The following TEX11 variants were observed in gnomAD, a reference collection of about 807,000 sequenced individuals.
TEX11 encodes the protein testis expressed 11.
A neutral mutation model predicts 84.4 loss-of-function variants in TEX11; 7 were observed. The observed-to-expected ratio is 0.08, with a 90% CI of 0.05 to 0.16. The LOEUF is 0.16. Among genes scored for constraint, TEX11 ranks in the 10% least tolerant of loss-of-function variants. The probability of loss-of-function intolerance (pLI) is 1.00; values close to 1 mark genes in which losing one functional copy is unlikely to be tolerated. For synonymous variants in TEX11, 264 were observed against 222.8 expected (o/e 1.18, Z -1.64); for missense variants, 551 against 660.5 (o/e 0.83, Z 1.82).
At chrX:70,673,803 C>T (rs982531133) in intron 15 of TEX11, among the ~76,000 whole-genome samples, 25 of 111,970 alleles carry the variant, frequency 2.2e-4, no homozygotes, top group African/African-American at 8.1e-4. Context: ...TGATACCACA[C>T]AGTCTAGATT....
chrX:70,754,455 T>A (rs2090852925), intron 9 of TEX11, among the ~76,000 whole-genome samples: 1 of 111,380 alleles, frequency 9.0e-6, no homozygotes, highest in Non-Finnish European at 1.9e-5. Context: ...TGGGTAAATA[T>A]CTAAGGTTTC....
chrX:70,600,221 G>A (rs149769411), intron 24 of TEX11, among the ~76,000 whole-genome samples: 125 of 111,916 alleles, frequency 1.1e-3, no homozygotes, highest in African/African-American at 3.9e-3. Context: ...TCTAACTGGT[G>A]TGAGATGGTA....
chrX:70,824,510 G>T (rs1252101799), intron 8 of TEX11, among the ~76,000 whole-genome samples: 1 of 111,227 alleles, frequency 9.0e-6, no homozygotes, highest in East Asian at 2.8e-4. Flanking sequence ...TGCAGCAGTA[G>T]TTCCCACAGG....
At chrX:70,722,951 C>T (rs995148334) in intron 12 of TEX11, among the ~76,000 whole-genome samples, 46 of 111,768 alleles carry the variant, frequency 4.1e-4, no homozygotes, top group Non-Finnish European at 7.5e-5. Flanking sequence ...CAATACTATA[C>T]GCTAAGAACA....
intron 28 of TEX11, among the ~76,000 whole-genome samples, chrX:70,532,670 G>T (rs1216460728): frequency 1.2e-4 from 13 of 111,113 alleles, no homozygotes; most frequent in Non-Finnish European, 2.1e-4. Context: ...GGAGGCGGAG[G>T]TTGTGGTGAG....
intron 9 of TEX11, among the ~76,000 whole-genome samples, chrX:70,786,035 C>T (rs1179106822): frequency 1.8e-5 from 2 of 111,915 alleles, no homozygotes; most frequent in Non-Finnish European, 3.8e-5. Flanking sequence ...TTTATTGTGG[C>T]ACTATTCACA....
At chrX:70,544,627 G>A in intron 28 of TEX11, among the ~76,000 whole-genome samples, 1 of 108,233 alleles carries the variant, frequency 9.2e-6, no homozygotes, top group African/African-American at 3.4e-5. Context: ...ATCACTTGAG[G>A]TCAGGAGTTT....
intron 13 of TEX11, among the ~76,000 whole-genome samples, chrX:70,715,094 TTTC>T (rs896047032): frequency 8.1e-5 from 9 of 111,589 alleles, no homozygotes; most frequent in Admixed American, 1.9e-4. Flanking sequence ...TGAAAATTCT[TTTC>T]TTTAAGAATG....
chrX:70,591,699 G>T lies in TEX11; in HGVS notation c.2140+52C>A, dbSNP rs781602041. The T allele has an allele frequency of 1.1e-4, 107 of 983,402 alleles. No homozygotes were observed. In the East Asian group the frequency reaches 3.2e-3, roughly 29 times the overall value. 81.0% of individuals were successfully genotyped at this position (983,402 alleles called of 1,213,427 possible). A position where few individuals can be genotyped will look rare whatever the true frequency, so the allele number is the denominator to read the frequency against. ...CTGGTGACAAAAGACTTGTTTATTC[G>T]ATTCTAAGCTCCTTTCAAACTGTGT... is the stretch of plus-strand genomic sequence containing the variant. On this transcript the variant is annotated intron_variant, in intron 25 of 29. Coordinates refer to ENST00000374333, the MANE Select transcript of TEX11 (RefSeq NM_031276.3).
the TEX11 span, among the ~76,000 whole-genome samples, chrX:70,522,759 T>C: frequency 4.6e-5 from 5 of 109,196 alleles, no homozygotes; most frequent in Non-Finnish European, 9.5e-5. Flanking sequence ...GTCAGGCTGG[T>C]CTTGAACTCC....
chrX:70,735,184 C>T (rs946230168), intron 11 of TEX11, among the ~76,000 whole-genome samples: 5 of 110,919 alleles, frequency 4.5e-5, no homozygotes, highest in African/African-American at 1.6e-4. Context: ...TCCCAAATAG[C>T]TGGGATTACA....
At chrX:70,605,363 A>G (rs1372813534) in intron 24 of TEX11, 38 bp downstream of exon 24, 1 of 950,180 alleles carries the variant, frequency 1.1e-6, no homozygotes, top group Non-Finnish European at 1.5e-6. Context: ...CAAATAGCAC[A>G]CTGAACTCTT....
chrX:70,791,180 T>C (rs2091116024), intron 9 of TEX11, among the ~76,000 whole-genome samples: 1 of 111,047 alleles, frequency 9.0e-6, no homozygotes, highest in Admixed American at 9.6e-5. Context: ...GAGAAAGATC[T>C]ATCATAAAAA....
intron 28 of TEX11, among the ~76,000 whole-genome samples, chrX:70,551,500 A>T (rs1053076684): frequency 2.7e-5 from 3 of 111,357 alleles, no homozygotes; most frequent in Non-Finnish European, 5.7e-5. Context: ...CATGTACCCC[A>T]TAAGTATGGG....
Position 70,667,395 on chromosome X carries a change from G to A in TEX11, c.1380+2982C>T, listed in dbSNP as rs2089984709. Reference sequence around the variant, plus strand: ...GAAAATAATGGGGACAGCAGTATTTGTCCATGTGGATAAAGGTTTTTATAT... The same window carrying A: ...GAAAATAATGGGGACAGCAGTATTTATCCATGTGGATAAAGGTTTTTATAT... On this transcript the variant is annotated intron_variant, in intron 16 of 29. Transcript: ENST00000374333. Among the ~76,000 whole-genome samples the A allele has an allele frequency of 2.7e-5, 3 of 112,077 alleles. No homozygotes were observed. The South Asian group carries it at 1.1e-3, about 42-fold the overall frequency.
At chrX:70,770,106 T>G (rs1300752564) in intron 9 of TEX11, among the ~76,000 whole-genome samples, 1 of 111,274 alleles carries the variant, frequency 9.0e-6, no homozygotes, top group Admixed American at 9.6e-5. Context: ...GACCTTCCCT[T>G]AGATCACATT....
At chrX:70,556,492 T>C (rs778327269) in intron 25 of TEX11, among the ~76,000 whole-genome samples, 1 of 112,183 alleles carries the variant, frequency 8.9e-6, no homozygotes, top group African/African-American at 3.2e-5. Context: ...GATATTTCAA[T>C]AATTTTATGA....
intron 8 of TEX11, among the ~76,000 whole-genome samples, chrX:70,832,944 A>G (rs1052627682): frequency 8.9e-6 from 1 of 112,030 alleles, no homozygotes; most frequent in Non-Finnish European, 1.9e-5. Context: ...ATGATTTGAC[A>G]ATAAAAGACA....
chrX:70,899,964 C>A (rs761222276), intron 2 of TEX11, among the ~76,000 whole-genome samples: 51 of 99,504 alleles, frequency 5.1e-4, no homozygotes, highest in Admixed American at 7.8e-4. Context: ...CCATGTTGGC[C>A]AGAACAGCCT....
Sources: allele counts gnomAD v4.1 joint callset (sites outside exome capture counted in the v4.1 genomes callset), GRCh38; gene constraint gnomAD v4.1.1; transcripts MANE v1.5; gene names NCBI Gene and HGNC (gene_info 2026-07-23, HGNC 2026-07-21).